Variants in GPRIN2 observed in about 807,000 individuals in gnomAD.
GPRIN2 encodes the protein G protein regulated inducer of neurite outgrowth 2.
GPRIN2 carries 1 observed loss-of-function variant against 0.3 expected under a neutral mutation model. That is an observed-to-expected ratio of 3.90 (90% CI 1.39 to 18.51). The LOEUF (loss-of-function observed/expected upper bound fraction) is 18.51, where lower values mean the gene tolerates loss of function less well. Among genes scored for constraint, GPRIN2 ranks in the 30% most tolerant of loss-of-function variants. GPRIN2 has a pLI of 0.11. For missense variants in GPRIN2, 880 were observed against 604.2 expected, an observed-to-expected ratio of 1.46 and a Z score of -4.79; for synonymous variants, 361 against 258.6, an observed-to-expected ratio of 1.40 and a Z score of -3.80.
chr10:46,551,570 G>A (rs1842612816), intron 2 of GPRIN2: 3 of 931,590 alleles, frequency 3.2e-6, no homozygotes, highest in Non-Finnish European at 3.8e-6. Flanking sequence ...AGACCTTTCT[G>A]TACCCCTGGG....
At chr10:46,555,572 T>G (rs923401999) in intron 1 of GPRIN2, 1 of 153,366 alleles carries the variant, frequency 6.5e-6, no homozygotes, top group African/African-American at 2.4e-5. Context: ...CCCTTCACAA[T>G]GAACGTGCCT....
intron 2 of GPRIN2, among the ~76,000 whole-genome samples, chr10:46,553,918 C>T (rs1842885362): frequency 6.6e-6 from 1 of 152,302 alleles, no homozygotes; most frequent in Admixed American, 6.5e-5. Context: ...TGTCACAGTG[C>T]TGTGGACTGG....
At position 46,547,848 on chromosome 10, in the gene GPRIN2, G is replaced by T. The variant is rs1842308612; in HGVS notation, c.*1512C>A. 6.6e-6 allele frequency among the ~76,000 whole-genome samples: 1 copy of T among 152,426 alleles called. No homozygotes were observed. The highest frequency in any genetic ancestry group is 1.9e-4 in the East Asian group (1 of 5,196). The stretch of plus-strand genomic sequence containing the variant: ...GAAAGGCATGTTTACGGGTGAGAAT[G>T]GTCCATCGTTGGGCTTCAGGAGGCA... On this transcript the variant is annotated 3_prime_UTR_variant, in exon 3 of 3. Coordinates refer to ENST00000374314, the MANE Select transcript of GPRIN2 (RefSeq NM_001385282.1).
In GPRIN2 at chr10:46,542,565, G is replaced by A. The variant is rs1833062180; in HGVS notation, c.*6795C>T. 8.4e-4 allele frequency among the ~76,000 whole-genome samples: 128 copies of A among 152,332 alleles called. No homozygotes were observed. Among genetic ancestry groups the A allele is most frequent in the African/African-American group, 2.8e-3 (118 of 41,524 alleles). On this transcript the variant is annotated 3_prime_UTR_variant, in exon 3 of 3. Coordinates refer to ENST00000374314, the MANE Select transcript of GPRIN2 (RefSeq NM_001385282.1). ...TGTCTGCCATGATTGTAAGTTTCCTGAGGCTTCCTGTAAGTTTCCTGAGGC... is the reference window on the plus strand; with the variant it reads ...TGTCTGCCATGATTGTAAGTTTCCTAAGGCTTCCTGTAAGTTTCCTGAGGC...
Position 46,542,908 on chromosome 10 carries a change from C to T in GPRIN2, c.*6452G>A, listed in dbSNP as rs1833051097. Among the ~76,000 whole-genome samples, 84 of 152,388 alleles carry T rather than the reference C, an allele frequency of 5.5e-4. No homozygotes were observed. Among genetic ancestry groups the T allele is most frequent in the Non-Finnish European group, 1.1e-3 (74 of 68,010 alleles). ...GCCTAAAGCCAGCAGATGGGTGCCA[C>T]CCACCTGATGTACCTCTCTAGCAGC... is the stretch of plus-strand genomic sequence containing the variant. On this transcript the variant is annotated 3_prime_UTR_variant, in exon 3 of 3. Transcript: ENST00000374314.
intron 1 of GPRIN2, among the ~76,000 whole-genome samples, 135 bp downstream of exon 1, chr10:46,556,363 C>A (rs954714015): frequency 3.3e-5 from 5 of 152,304 alleles, no homozygotes; most frequent in Non-Finnish European, 7.3e-5. Flanking sequence ...GGGCTCTGGG[C>A]GCTGGGCAGG....
At chr10:46,554,272 A>G (rs931229113) in intron 2 of GPRIN2, among the ~76,000 whole-genome samples, 4 of 152,312 alleles carry the variant, frequency 2.6e-5, no homozygotes, top group African/African-American at 7.2e-5. Flanking sequence ...CCCAAAGGTT[A>G]GCCTCCTCTA....
rs1832270577 is a variant in GPRIN2 at position 46,550,704 on chromosome 10, C to G, written c.33G>C (p.Trp11Cys). 3.3e-6 allele frequency: 5 copies of G among 1,510,012 alleles called. No homozygotes were observed. The South Asian group carries it at 6.8e-5, about 21-fold the overall frequency. The allele number at this position is 1,510,012 out of a possible 1,614,324, so 93.5% of individuals were successfully genotyped here. MSSSRPEPGP[W>C]APLSPRLQPL... ...GCTGAAGGCGGGGGCTCAGGGGTGC[C>G]CAGGGACCCGGCTCGGGGCGGCTGG... Residue 11 changes from tryptophan (W) to cysteine (C), a missense_variant, in exon 3 of 3, where the codon TGG becomes TGC. By Grantham distance (215) the Trp-to-Cys change is radical. Transcript: ENST00000374314.
In GPRIN2 at chr10:46,549,006, C is replaced by G. The variant is rs1842411099; in HGVS notation, c.*354G>C. On this transcript the variant is annotated 3_prime_UTR_variant, in exon 3 of 3. Transcript: ENST00000374314. Reference sequence around the variant, plus strand: ...CAGCACTGATTTCAAATAAAGCCACCAAGAGTCTGACGAGGCAACATGGCA... The same window carrying G: ...CAGCACTGATTTCAAATAAAGCCACGAAGAGTCTGACGAGGCAACATGGCA... The G allele has an allele frequency of 2.9e-6, 1 of 350,428 alleles. No homozygotes were observed. 21.7% of individuals were successfully genotyped at this position (350,428 alleles called of 1,614,324 possible).
rs1832262767 is a variant in GPRIN2, at chr10:46,550,723, C to A, written c.14G>T (p.Arg5Leu). 6.7e-7 allele frequency: 1 copy of A among 1,499,412 alleles called. No homozygotes were observed. The highest frequency in any genetic ancestry group is 2.4e-5 in the Admixed American group (1 of 42,338). 92.9% of individuals were successfully genotyped at this position (1,499,412 alleles called of 1,614,324 possible). A position where few individuals can be genotyped will look rare whatever the true frequency, so the allele number is the denominator to read the frequency against. Reference sequence around the variant, plus strand: ...GGGTGCCCAGGGACCCGGCTCGGGGCGGCTGGAGCTCATGGCTGCCTGCAG... The same window carrying A: ...GGGTGCCCAGGGACCCGGCTCGGGGAGGCTGGAGCTCATGGCTGCCTGCAG... MSSS[R>L]PEPGPWAPLS... The change falls in exon 3 of 3, where the codon CGC becomes CTC. Residue 5 changes from arginine to leucine, a missense_variant. Physicochemically the swap from Arg to Leu is moderately radical, Grantham distance 102 (BLOSUM62 -2). Coordinates refer to ENST00000374314, the MANE Select transcript of GPRIN2 (RefSeq NM_001385282.1).
chr10:46,549,373 G>A lies in GPRIN2; in HGVS notation c.1364C>T (p.Ala455Val), dbSNP rs1832741615. The A allele has an allele frequency of 1.8e-5, 27 of 1,479,104 alleles. No individual in the cohort carries two copies. Among genetic ancestry groups the A allele is most frequent in the Middle Eastern group, 4.1e-4 (2 of 4,920 alleles). The allele number at this position is 1,479,104 out of a possible 1,614,324, so 91.6% of individuals were successfully genotyped here. The change falls in exon 3 of 3, where the codon GCG (alanine) becomes GTG (valine). Residue 455 changes from alanine to valine, a missense_variant. By Grantham distance (64) the Ala-to-Val change is moderately conservative. Coordinates refer to ENST00000374314, the MANE Select transcript of GPRIN2 (RefSeq NM_001385282.1). Reference sequence around the variant, plus strand: ...GGCCACAGCTCCTCACTCGGGGGCCGCGCCGGAGCAGCCGCAGCAGCTGGG... The same window carrying A: ...GGCCACAGCTCCTCACTCGGGGGCCACGCCGGAGCAGCCGCAGCAGCTGGG... ...RRPSCCGCSG[A>V]APE is the part of the protein sequence containing the mutation.
rs1831819679 is a variant in GPRIN2 at position 46,556,498 on chromosome 10, C to T, written c.-118G>A. ...GGAGCGCGCGGAGCCAGCCTCTCAC[C>T]CTCTCGCCCGCCGGGGCCGCGCAGG... On this transcript the variant is annotated splice_region_variant and 5_prime_UTR_variant, in exon 1 of 3. Transcript: ENST00000374314. Among the ~76,000 whole-genome samples, 4 of 152,392 alleles carry T rather than the reference C, an allele frequency of 2.6e-5. No individual in the cohort carries two copies. Among genetic ancestry groups the T allele is most frequent in the East Asian group, 1.9e-4 (1 of 5,192 alleles).
intron 2 of GPRIN2, 68 bp from the exon 3 acceptor site, chr10:46,550,810 G>A: frequency 1.4e-6 from 2 of 1,466,542 alleles, no homozygotes; most frequent in East Asian, 2.4e-5. Flanking sequence ...ATTCTACTAT[G>A]AACTCCCACA....
In GPRIN2 at chr10:46,549,875, C is replaced by T. The variant is rs149632156; in HGVS notation, c.862G>A (p.Gly288Arg). 6.2e-7 allele frequency: 1 copy of T among 1,614,214 alleles called. No homozygotes were observed. The highest frequency in any genetic ancestry group is 2.2e-5 in the East Asian group (1 of 44,894). The part of the protein sequence containing the change: ...IHCRLSGGLP[G>R]HSHCCAHLWG... The stretch of plus-strand genomic sequence containing the variant: ...AGGTGGGCACAGCAATGGGAATGCC[C>T]AGGGAGCCCCCCAGACAACCTACAG... The change falls in exon 3 of 3, where the codon GGG becomes AGG. Residue 288 changes from glycine to arginine, a missense_variant. Coordinates refer to ENST00000374314, the MANE Select transcript of GPRIN2 (RefSeq NM_001385282.1).
chr10:46,551,617 C>T (rs1842619266), intron 2 of GPRIN2: 1 of 506,372 alleles, frequency 2.0e-6, no homozygotes, highest in Non-Finnish European at 2.5e-6. Flanking sequence ...CCACCCAGTA[C>T]CATCAATCAG....
rs1842457101 is a variant in GPRIN2, at chr10:46,549,725, G to T, written c.1012C>A (p.Gln338Lys). The T allele has an allele frequency of 2.5e-6, 4 of 1,614,100 alleles. No individual in the cohort carries two copies. The highest frequency in any genetic ancestry group is 3.4e-6 in the Non-Finnish European group (4 of 1,179,956). Residue 338 changes from glutamine to lysine, a missense_variant, in exon 3 of 3, where the codon CAG (glutamine) becomes AAG (lysine). Transcript: ENST00000374314. The part of the protein sequence containing the change: ...SPLSAQDAGV[Q>K]AAPVAACKAV... ...TTGCAGGCCGCCACTGGGGCCGCCT[G>T]CACACCAGCATCCTGGGCTGACAGC...
At position 46,542,765 on chromosome 10, in the gene GPRIN2, A is replaced by G. The variant is rs1388051509; in HGVS notation, c.*6595T>C. ...CTTGGACACGAATCCAGTTCCTGAC[A>G]GCAGAGAAGCATACAGGTGGGACAG... On this transcript the variant is annotated 3_prime_UTR_variant, in exon 3 of 3. Transcript: ENST00000374314. Among the ~76,000 whole-genome samples the G allele has an allele frequency of 2.0e-5, 3 of 152,302 alleles. No homozygotes were observed. The highest frequency in any genetic ancestry group is 4.4e-5 in the Non-Finnish European group (3 of 68,052).
At position 46,548,350 on chromosome 10, in the gene GPRIN2, C is replaced by G. The variant is rs1842358528; in HGVS notation, c.*1010G>C. On this transcript the variant is annotated 3_prime_UTR_variant, in exon 3 of 3. Transcript: ENST00000374314. ...CAGCCTCACAGCCCCTACCCCAGGG[C>G]CAGGGCAAACTCCTGCCCTGTCCCC... Among the ~76,000 whole-genome samples, 1 of 152,302 alleles carries G rather than the reference C, an allele frequency of 6.6e-6. No individual in the cohort carries two copies. The highest frequency in any genetic ancestry group is 1.5e-5 in the Non-Finnish European group (1 of 68,054).
intron 2 of GPRIN2, among the ~76,000 whole-genome samples, chr10:46,551,637 G>T (rs1392234853): frequency 6.6e-6 from 1 of 152,302 alleles, no homozygotes; most frequent in Admixed American, 6.5e-5. Flanking sequence ...GACCTATCCT[G>T]CCTGACATTT....
Sources: allele counts gnomAD v4.1 joint callset (sites outside exome capture counted in the v4.1 genomes callset), GRCh38; gene constraint gnomAD v4.1.1; transcripts MANE v1.5; gene names NCBI Gene and HGNC (gene_info 2026-07-23, HGNC 2026-07-21).